Variants in TJP2 observed in about 807,000 individuals in gnomAD.
TJP2 encodes the protein Friedreich ataxia region gene X104 (tight junction protein ZO-2).
A neutral mutation model predicts 133.1 loss-of-function variants in TJP2; 91 were observed. The ratio of observed to expected loss-of-function variants is 0.68; its 90% CI spans 0.58 to 0.81. TJP2 has a LOEUF of 0.81. Ranked by LOEUF, TJP2 falls within the 40% of genes least tolerant of loss-of-function variation. The probability of loss-of-function intolerance (pLI) is 0.00; values close to 1 mark genes in which losing one functional copy is unlikely to be tolerated. For synonymous variants in TJP2, 592 were observed against 583.4 expected (o/e 1.01, Z -0.21); for missense variants, 1,541 against 1,565.6 (o/e 0.98, Z 0.26).
upstream of TJP2, among the ~76,000 whole-genome samples, chr9:69,169,372 G>GT (rs1041511687): frequency 2.0e-5 from 3 of 147,698 alleles, no homozygotes; most frequent in Middle Eastern, 3.2e-3. Flanking sequence ...TTTTTTTTGG[G>GT]GGGGGGATGG....
intron 1 of TJP2, among the ~76,000 whole-genome samples, chr9:69,177,010 CT>C (rs1363333006): frequency 2.0e-5 from 3 of 152,194 alleles, no homozygotes; most frequent in Non-Finnish European, 4.4e-5. Context: ...GCAATCACTG[CT>C]GAAACTTTCA....
intron 1 of TJP2, among the ~76,000 whole-genome samples, chr9:69,191,516 G>C (rs1826201082): frequency 6.6e-6 from 1 of 152,178 alleles, no homozygotes; most frequent in Non-Finnish European, 1.5e-5. Context: ...AATTTTGTGA[G>C]GTTCCTTTGG....
chr9:69,251,946 TAACA>T (rs963210467), intron 21 of TJP2, among the ~76,000 whole-genome samples: 16 of 152,176 alleles, frequency 1.1e-4, no homozygotes, highest in Non-Finnish European at 1.6e-4. Context: ...AAAATATACA[TAACA>T]TAAAATTTAC....
rs1330201952 is a variant in TJP2, at chr9:69,254,387, G to C, written c.*13G>C. On this transcript the variant is annotated 3_prime_UTR_variant, in exon 23 of 23. Transcript: ENST00000377245. ...CACAGAATTATAGATGTCTGAGCAC[G>C]GACTCTCCCAGGCCTGCCTGCATGG... 1 of 1,613,808 alleles carries C rather than the reference G, an allele frequency of 6.2e-7. No homozygotes were observed. Among genetic ancestry groups the C allele is most frequent in the Non-Finnish European group, 8.5e-7 (1 of 1,180,058 alleles).
At chr9:69,164,518 T>C (rs565488424) in intron 2 of TJP2, among the ~76,000 whole-genome samples, 4 of 152,272 alleles carry the variant, frequency 2.6e-5, no homozygotes, top group South Asian at 4.1e-4. Flanking sequence ...AGTTAGACAA[T>C]AGAACGGCAT....
At chr9:69,254,006 C>G (rs1831527121) in intron 22 of TJP2, 2 of 628,734 alleles carry the variant, frequency 3.2e-6, no homozygotes, top group Middle Eastern at 4.3e-4. Flanking sequence ...GGCTTCCTCA[C>G]TCACCGCCGA....
intron 1 of TJP2, among the ~76,000 whole-genome samples, chr9:69,185,192 G>A (rs974492366): frequency 1.4e-4 from 22 of 152,000 alleles, no homozygotes; most frequent in African/African-American, 5.1e-4. Flanking sequence ...CTCCCGAGTA[G>A]CTGGGATTAC....
At chr9:69,130,924 C>T (rs547871993) in intron 1 of TJP2, among the ~76,000 whole-genome samples, 2 of 152,174 alleles carry the variant, frequency 1.3e-5, no homozygotes, top group African/African-American at 4.8e-5. Flanking sequence ...AGTGGTCACC[C>T]GGATGGTAGG....
chr9:69,234,310 A>T, intron 11 of TJP2, 129 bp from the exon 12 acceptor site: 2 of 727,738 alleles, frequency 2.7e-6, no homozygotes, highest in Non-Finnish European at 4.4e-6. Context: ...TTTGCTCTGG[A>T]CAGGCCCTGA....
intron 22 of TJP2, 189 bp downstream of exon 22, chr9:69,253,089 T>A: frequency 1.6e-6 from 1 of 621,726 alleles, no homozygotes; most frequent in South Asian, 2.0e-5. Flanking sequence ...AAGCATAGTT[T>A]GCTTGTGTGC....
At chr9:69,243,625 A>G (rs1472249393) in intron 17 of TJP2, among the ~76,000 whole-genome samples, 1 of 152,236 alleles carries the variant, frequency 6.6e-6, no homozygotes, top group South Asian at 2.1e-4. Flanking sequence ...TTCGAAGATC[A>G]TTTAAGTTGA....
intron 2 of TJP2, among the ~76,000 whole-genome samples, chr9:69,213,902 C>A (rs923244668): frequency 7.9e-5 from 12 of 152,152 alleles, no homozygotes; most frequent in Admixed American, 3.9e-4. Context: ...ATAGACAACA[C>A]CCCCAACCTG....
intron 10 of TJP2, among the ~76,000 whole-genome samples, chr9:69,229,604 G>T (rs1003038109): frequency 1.3e-5 from 2 of 152,202 alleles, no homozygotes; most frequent in African/African-American, 4.8e-5. Context: ...TGATGTGATG[G>T]TCCCAGTGTC....
intron 4 of TJP2, 65 bp downstream of exon 4, chr9:69,218,424 T>TA: frequency 3.4e-6 from 4 of 1,178,766 alleles, no homozygotes; most frequent in Non-Finnish European, 5.1e-6. Flanking sequence ...AGAAGAAAAT[T>TA]ACCCCTTGCT....
chr9:69,181,272 G>A (rs2132989789), intron 1 of TJP2, among the ~76,000 whole-genome samples: 1 of 119,928 alleles, frequency 8.3e-6, no homozygotes, highest in African/African-American at 3.1e-5. Context: ...TTTTTGAGGT[G>A]GAGTCTAGCC....
intron 1 of TJP2, among the ~76,000 whole-genome samples, chr9:69,143,916 G>A (rs887140354): frequency 2.6e-5 from 4 of 152,144 alleles, no homozygotes. Context: ...GAGTATATTA[G>A]TTTGTAAATA....
intron 2 of TJP2, among the ~76,000 whole-genome samples, chr9:69,213,224 C>T (rs1001865766): frequency 8.6e-5 from 13 of 151,980 alleles, no homozygotes; most frequent in South Asian, 6.2e-4. Context: ...TCACCACGCC[C>T]GGCTAATTTT....
chr9:69,173,512 T>C (rs1009875064), upstream of TJP2, among the ~76,000 whole-genome samples: 2 of 152,192 alleles, frequency 1.3e-5, no homozygotes, highest in African/African-American at 4.8e-5. Flanking sequence ...AATCTCTTTA[T>C]TGGAGTTGTT....
rs150849648 is a variant in TJP2, at chr9:69,180,639, C to T, written c.60+6207C>T. On this transcript the variant is annotated intron_variant, in intron 1 of 22. Coordinates refer to ENST00000377245, the MANE Select transcript of TJP2 (RefSeq NM_004817.4). ...GGCTTCGAGAGACAATCATTCTGCT[C>T]TCAGTCCTTGGAAGACTGTTCCTAG... Among the ~76,000 whole-genome samples, 4 of 152,314 alleles carry T rather than the reference C, an allele frequency of 2.6e-5. No individual in the cohort carries two copies. The East Asian group carries it at 7.7e-4, about 29-fold the overall frequency.
Sources: gnomAD v4.1 joint callset for allele counts (sites outside exome capture counted in the v4.1 genomes callset) on GRCh38, gnomAD v4.1.1 for gene constraint, MANE v1.5 for transcripts, NCBI Gene and HGNC (gene_info 2026-07-23, HGNC 2026-07-21) for gene names.